DIAPH2: variants seen among roughly 807,000 people sequenced by gnomAD.
DIAPH2 encodes the protein protein diaphanous homolog 2.
Under a neutral mutation model 92.7 loss-of-function variants are expected in DIAPH2, and 35 were observed. That is an observed-to-expected ratio of 0.38 (90% CI 0.29 to 0.50). The LOEUF (loss-of-function observed/expected upper bound fraction) is 0.50, where lower values mean the gene tolerates loss of function less well. Among genes scored for constraint, DIAPH2 ranks in the 20% least tolerant of loss-of-function variants. DIAPH2 has a pLI of 0.94. For synonymous variants in DIAPH2, 301 were observed against 280.4 expected (o/e 1.07, Z -0.73); for missense variants, 701 against 819.5 (o/e 0.86, Z 1.77).
In DIAPH2 at chrX:97,223,403, G is replaced by A. The variant is rs149347349; in HGVS notation, c.2720-24312G>A. Among the ~76,000 whole-genome samples, 313 of 110,841 alleles carry A rather than the reference G, an allele frequency of 2.8e-3. 1 individual carries two copies. Among genetic ancestry groups the A allele is most frequent in the African/African-American group, 9.7e-3 (295 of 30,552 alleles). On this transcript the variant is annotated intron_variant, in intron 22 of 26. Transcript: ENST00000324765. ...GAATGATTCAAATCGACTTATATCA[G>A]CTTATGGTTTTTTGACTGTTTTTAA...
intron 25 of DIAPH2, among the ~76,000 whole-genome samples, chrX:97,396,533 A>C (rs61263318): frequency 9.0e-6 from 1 of 110,657 alleles, no homozygotes; most frequent in African/African-American, 3.3e-5. Flanking sequence ...TTAGCTGGGT[A>C]TGGTGGCGGA....
intron 5 of DIAPH2, among the ~76,000 whole-genome samples, chrX:96,903,987 A>G (rs1376258939): frequency 8.9e-6 from 1 of 112,586 alleles, no homozygotes; most frequent in East Asian, 2.8e-4. Context: ...GTAAATATGT[A>G]AGAGGAATTT....
chrX:97,377,062 T>G (rs1417842401), intron 24 of DIAPH2, among the ~76,000 whole-genome samples: 1 of 111,991 alleles, frequency 8.9e-6, no homozygotes, highest in Non-Finnish European at 1.9e-5. Context: ...AGCCTAGGAC[T>G]ACACAGGGTC....
At chrX:97,213,739 AATAG>A (rs1400901939) in intron 22 of DIAPH2, among the ~76,000 whole-genome samples, 3 of 112,496 alleles carry the variant, frequency 2.7e-5, no homozygotes, top group African/African-American at 9.7e-5. Context: ...TTATAGATTC[AATAG>A]ATAAACAGTT....
chrX:97,596,756 C>A (rs1473758583), intron 26 of DIAPH2, among the ~76,000 whole-genome samples: 1 of 111,905 alleles, frequency 8.9e-6, no homozygotes, highest in Non-Finnish European at 1.9e-5. Context: ...CTGCTTTTTC[C>A]CCATTCGTTT....
chrX:97,108,557 G>A (rs2066958111), intron 20 of DIAPH2, among the ~76,000 whole-genome samples: 1 of 111,328 alleles, frequency 9.0e-6, no homozygotes, highest in African/African-American at 3.3e-5. Flanking sequence ...ATCCTCTGAT[G>A]GAGTTGCAAC....
intron 5 of DIAPH2, among the ~76,000 whole-genome samples, chrX:96,899,012 G>A (rs1475896770): frequency 9.1e-6 from 1 of 109,511 alleles, no homozygotes; most frequent in East Asian, 2.8e-4. Flanking sequence ...GTTTTTCTCA[G>A]GTTTGTCAAA....
rs1284525774 is a variant in DIAPH2 at position 97,599,579 on chromosome X, CCTGA to C, written c.*266_*269del. ...GTGTATCATTTGTAATTGTGTGTGACCTGACTGTGATGATGGAAGTGTAAGAAAT... is the reference window on the plus strand; with the variant it reads ...GTGTATCATTTGTAATTGTGTGTGACCTGTGATGATGGAAGTGTAAGAAAT... On this transcript the variant is annotated 3_prime_UTR_variant, in exon 27 of 27. Transcript: ENST00000324765. 1 of 164,311 alleles carries C rather than the reference CCTGA, an allele frequency of 6.1e-6. No individual in the cohort carries two copies. The highest frequency in any genetic ancestry group is 1.7e-4 in the East Asian group (1 of 5,864). 13.5% of individuals were successfully genotyped at this position (164,311 alleles called of 1,213,427 possible).
chrX:96,915,488 G>A (rs950631999), intron 7 of DIAPH2, among the ~76,000 whole-genome samples: 4 of 108,325 alleles, frequency 3.7e-5, no homozygotes, highest in Non-Finnish European at 7.7e-5. Flanking sequence ...AAGAGCTTTA[G>A]CTATGTTCCC....
intron 26 of DIAPH2, among the ~76,000 whole-genome samples, chrX:97,432,475 ATTTTAT>A (rs1055079524): frequency 2.6e-4 from 28 of 105,712 alleles, no homozygotes; most frequent in Admixed American, 2.4e-3. Flanking sequence ...TTGTATTTTT[ATTTTAT>A]TTTTATTTTT....
intron 5 of DIAPH2, chrX:96,884,033 A>C: frequency 3.7e-6 from 1 of 269,359 alleles, no homozygotes; most frequent in East Asian, 6.0e-5. Flanking sequence ...GACTTTTAGA[A>C]TGTAGCAACC....
rs1290029298 is a variant in DIAPH2 at position 97,583,419 on chromosome X, T to C, written c.3242-15834T>C. On this transcript the variant is annotated intron_variant, in intron 26 of 26. Coordinates refer to ENST00000324765, the MANE Select transcript of DIAPH2 (RefSeq NM_006729.5). ...ACAGGACCCTCAGCTGCAGGTCTGTTGGAGTACCCTGCAGTGTGAGGTGTC... is the reference window on the plus strand; with the variant it reads ...ACAGGACCCTCAGCTGCAGGTCTGTCGGAGTACCCTGCAGTGTGAGGTGTC... Among the ~76,000 whole-genome samples the C allele has an allele frequency of 5.4e-5, 6 of 110,276 alleles. No homozygotes were observed. The Admixed American group carries it at 5.8e-4, about 11-fold the overall frequency.
In DIAPH2 at chrX:97,293,613, G is replaced by A. The variant is rs1433783845; in HGVS notation, c.2844+45774G>A. On this transcript the variant is annotated intron_variant, in intron 23 of 26. Transcript: ENST00000324765. ...ATGACTAGGGATTTAGATATTTGAA[G>A]GCCTTGTCTTTTATAATAGATATAA... 2.7e-5 allele frequency among the ~76,000 whole-genome samples: 3 copies of A among 111,211 alleles called. No homozygotes were observed. The Admixed American group carries it at 2.9e-4, about 11-fold the overall frequency.
At chrX:96,761,344 G>GT (rs147698675) in intron 4 of DIAPH2, among the ~76,000 whole-genome samples, 16,434 of 100,850 alleles carry the variant, frequency 0.16, 1,168 homozygotes, top group East Asian at 0.33. Context: ...GGCAGCATTG[G>GT]TTTTTTTTTT....
chrX:97,015,076 T>C (rs1197473499), intron 17 of DIAPH2, among the ~76,000 whole-genome samples: 1 of 111,996 alleles, frequency 8.9e-6, no homozygotes, highest in Non-Finnish European at 1.9e-5. Flanking sequence ...TGTTTAATTC[T>C]GTCTCTGTAA....
In DIAPH2 at chrX:97,199,227, A is replaced by ATGTGTGTG. The variant is rs58686614; in HGVS notation, c.2720-48478_2720-48471dup. Among the ~76,000 whole-genome samples, 673 of 106,769 alleles carry ATGTGTGTG rather than the reference A, an allele frequency of 6.3e-3. 5 individuals are homozygous for ATGTGTGTG. Among genetic ancestry groups the ATGTGTGTG allele is most frequent in the African/African-American group, 0.016 (482 of 29,305 alleles). The allele number at this position is 106,769 out of a possible 115,157, so 92.7% of individuals were successfully genotyped here. A position where few individuals can be genotyped will look rare whatever the true frequency, so the allele number is the denominator to read the frequency against. On this transcript the variant is annotated intron_variant, in intron 22 of 26. Transcript: ENST00000324765. ...TTGAGGATTATATTAACATATGTAT[A>ATGTGTGTG]TGTGTGTGTGTGTGTGTACGTGTGT...
At chrX:97,137,448 A>G (rs1302545774) in intron 21 of DIAPH2, among the ~76,000 whole-genome samples, 1 of 107,867 alleles carries the variant, frequency 9.3e-6, no homozygotes, top group Non-Finnish European at 1.9e-5. Context: ...TTACCAAAGC[A>G]AAGTCTCTAG....
intron 22 of DIAPH2, among the ~76,000 whole-genome samples, chrX:97,182,853 G>T (rs190247416): frequency 9.0e-6 from 1 of 111,001 alleles, no homozygotes; most frequent in East Asian, 2.8e-4. Flanking sequence ...TGAACATATG[G>T]TACTAGAATT....
At chrX:97,327,848 T>C (rs1433738408) in intron 23 of DIAPH2, among the ~76,000 whole-genome samples, 1 of 112,702 alleles carries the variant, frequency 8.9e-6, no homozygotes, top group Non-Finnish European at 1.9e-5. Context: ...AGTGCTAGGA[T>C]TACAGGCGTG....
Sources: allele counts gnomAD v4.1 joint callset (sites outside exome capture counted in the v4.1 genomes callset), GRCh38; gene constraint gnomAD v4.1.1; transcripts MANE v1.5; gene names NCBI Gene and HGNC (gene_info 2026-07-23, HGNC 2026-07-21).